Variants in ZZZ3 observed in about 807,000 individuals in gnomAD.
ZZZ3 encodes the protein zinc finger ZZ-type containing 3.
Under a neutral mutation model 95.2 loss-of-function variants are expected in ZZZ3, and 22 were observed. That is an observed-to-expected ratio of 0.23 (90% CI 0.17 to 0.33). ZZZ3 has a LOEUF of 0.33. ZZZ3 is among the 10% of genes least tolerant of loss of function. The pLI, the probability that ZZZ3 is intolerant of heterozygous loss-of-function variation, is 1.00. For missense variants in ZZZ3, 885 were observed against 1,066.5 expected (o/e 0.83, Z 2.37); for synonymous variants, 335 against 358.9 (o/e 0.93, Z 0.75).
At chr1:77,590,299 G>A (rs1270004263) in intron 5 of ZZZ3, among the ~76,000 whole-genome samples, 6 of 152,270 alleles carry the variant, frequency 3.9e-5, no homozygotes, top group East Asian at 1.9e-4. Flanking sequence ...GCTTGAACCC[G>A]GGAGGTAGAG....
At chr1:77,613,666 G>C (rs1197500153) in intron 5 of ZZZ3, among the ~76,000 whole-genome samples, 1 of 151,912 alleles carries the variant, frequency 6.6e-6, no homozygotes, top group African/African-American at 2.4e-5. Context: ...CCATTTATTA[G>C]AATAAAATAA....
In ZZZ3 at chr1:77,582,096, C is replaced by T. The variant is rs201491495; in HGVS notation, c.1675G>A (p.Val559Ile). 6.1e-5 allele frequency: 98 copies of T among 1,612,098 alleles called. No individual in the cohort carries two copies. Among genetic ancestry groups the T allele is most frequent in the Non-Finnish European group, 8.1e-5 (96 of 1,179,426 alleles). Residue 559 changes from valine (V) to isoleucine (I), a missense_variant, in exon 7 of 15, where the codon GTT becomes ATT. Transcript: ENST00000370801. The stretch of plus-strand genomic sequence containing the variant: ...CATACGATCTCAGGCAATTGAACAA[C>T]TCTCTGTGGATATGGAAGCCCAATA... The part of the protein sequence containing the change: ...ADIGLPYPQR[V>I]VQLPEIVWDQ...
intron 1 of ZZZ3, among the ~76,000 whole-genome samples, chr1:77,670,280 G>T (rs1054086261): frequency 6.4e-4 from 96 of 150,982 alleles, no homozygotes; most frequent in African/African-American, 2.2e-3. Flanking sequence ...TTTGGGGGGG[G>T]GCAGAGTCTC....
intron 1 of ZZZ3, among the ~76,000 whole-genome samples, chr1:77,661,359 G>A (rs575571518): frequency 2.4e-4 from 36 of 152,282 alleles, no homozygotes; most frequent in African/African-American, 7.9e-4. Context: ...GCTGCAGTGA[G>A]CCAAGATCAC....
intron 5 of ZZZ3, among the ~76,000 whole-genome samples, chr1:77,617,929 A>G (rs1349378731): frequency 6.6e-6 from 1 of 152,194 alleles, no homozygotes; most frequent in African/African-American, 2.4e-5. Flanking sequence ...TAGGTGACAG[A>G]GCAAAACTCC....
intron 5 of ZZZ3, among the ~76,000 whole-genome samples, chr1:77,599,189 T>C (rs1664496643): frequency 6.6e-6 from 1 of 152,006 alleles, no homozygotes; most frequent in South Asian, 2.1e-4. Context: ...AAAGGCTCAG[T>C]TTATATAAAT....
chr1:77,572,647 G>GT (rs1002202394), intron 12 of ZZZ3, among the ~76,000 whole-genome samples: 15 of 151,090 alleles, frequency 9.9e-5, no homozygotes, highest in African/African-American at 2.4e-4. Flanking sequence ...CTTTTTGTTT[G>GT]TTTTTTTAAG....
At chr1:77,644,128 C>T (rs1372759166) in intron 1 of ZZZ3, among the ~76,000 whole-genome samples, 1 of 151,372 alleles carries the variant, frequency 6.6e-6, no homozygotes, top group Admixed American at 6.6e-5. Flanking sequence ...TGCAACGGTG[C>T]GATCTCGACT....
upstream of ZZZ3, among the ~76,000 whole-genome samples, chr1:77,682,908 C>T (rs1463572625): frequency 6.6e-6 from 1 of 152,230 alleles, no homozygotes; most frequent in Non-Finnish European, 1.5e-5. Context: ...GATTATACTA[C>T]ATAAACAGAG....
At chr1:77,655,231 G>A (rs1188154002) in intron 1 of ZZZ3, among the ~76,000 whole-genome samples, 1 of 152,136 alleles carries the variant, frequency 6.6e-6, no homozygotes, top group Non-Finnish European at 1.5e-5. Flanking sequence ...ACGTCTTAAA[G>A]GTCCCACCTC....
chr1:77,649,202 T>A (rs1253855509), intron 1 of ZZZ3, among the ~76,000 whole-genome samples: 1 of 151,556 alleles, frequency 6.6e-6, no homozygotes, highest in Admixed American at 6.6e-5. Flanking sequence ...AGCCAGCTCA[T>A]AACCAAACTG....
intron 5 of ZZZ3, among the ~76,000 whole-genome samples, chr1:77,621,682 TGG>T (rs1489506354): frequency 1.3e-5 from 2 of 151,750 alleles, no homozygotes; most frequent in Non-Finnish European, 2.9e-5. Context: ...CCACGTGTGG[TGG>T]TACGCACCTG....
At chr1:77,628,603 G>A (rs1026557565) in intron 5 of ZZZ3, among the ~76,000 whole-genome samples, 19 of 152,064 alleles carry the variant, frequency 1.2e-4, no homozygotes, top group African/African-American at 4.3e-4. Flanking sequence ...ACAAGTGATC[G>A]GATGACCTTA....
chr1:77,639,199 T>C (rs961112085), intron 4 of ZZZ3, among the ~76,000 whole-genome samples: 2 of 151,770 alleles, frequency 1.3e-5, no homozygotes, highest in Non-Finnish European at 2.9e-5. Flanking sequence ...AATTTCACAA[T>C]GCCTCCTGAG....
At chr1:77,576,312 T>C (rs1213414713) in intron 11 of ZZZ3, 92 bp from the exon 12 acceptor site, 2 of 1,054,610 alleles carry the variant, frequency 1.9e-6, no homozygotes, top group African/African-American at 1.6e-5. Context: ...CCAACAAGTC[T>C]ATCAGAAGAA....
chr1:77,681,762 C>G (rs528970563), intron 1 of ZZZ3, among the ~76,000 whole-genome samples: 11 of 151,904 alleles, frequency 7.2e-5, no homozygotes, highest in Non-Finnish European at 4.4e-5. Flanking sequence ...CGTGGTGAAG[C>G]GCGACTGTAA....
chr1:77,584,595 T>C lies in ZZZ3; in HGVS notation c.1566A>G (p.Gln522=), dbSNP rs1463805152. ...VLEAQRSQAV[Q]DLESLGRHQR... ...GGTGCCTGCCTAAACTTTCAAGGTCTTGGACTGCTTGAGAACGCTGAGCCT... is the reference window on the plus strand; with the variant it reads ...GGTGCCTGCCTAAACTTTCAAGGTCCTGGACTGCTTGAGAACGCTGAGCCT... The change falls in exon 6 of 15, where the codon CAA becomes CAG. Residue 522 remains glutamine (Q), a synonymous_variant. Transcript: ENST00000370801. The C allele has an allele frequency of 6.2e-7, 1 of 1,613,148 alleles. No individual in the cohort carries two copies. Among genetic ancestry groups the C allele is most frequent in the African/African-American group, 1.3e-5 (1 of 74,994 alleles).
At chr1:77,665,470 T>C (rs1269948711) in intron 1 of ZZZ3, among the ~76,000 whole-genome samples, 1 of 152,196 alleles carries the variant, frequency 6.6e-6, no homozygotes, top group African/African-American at 2.4e-5. Flanking sequence ...TGAAATTACG[T>C]ATATCAAACT....
chr1:77,651,138 C>A (rs1225076360), intron 1 of ZZZ3, among the ~76,000 whole-genome samples: 1 of 152,138 alleles, frequency 6.6e-6, no homozygotes, highest in East Asian at 1.9e-4. Context: ...AAACCCAGCA[C>A]TTTAGGAGGC....
Sources: allele counts gnomAD v4.1 joint callset (sites outside exome capture counted in the v4.1 genomes callset), GRCh38; gene constraint gnomAD v4.1.1; transcripts MANE v1.5; gene names NCBI Gene and HGNC (gene_info 2026-07-23, HGNC 2026-07-21).